NAA30: variants seen among roughly 807,000 people sequenced by gnomAD.
The protein encoded by NAA30 is N-alpha-acetyltransferase 30, NatC catalytic subunit.
In NAA30, 5 loss-of-function variants were observed where a neutral mutation model predicts 31.4. The observed-to-expected ratio is 0.16, with a 90% CI of 0.08 to 0.33. The LOEUF (loss-of-function observed/expected upper bound fraction) is 0.33, where lower values mean the gene tolerates loss of function less well. Ranked by LOEUF, NAA30 falls within the 10% of genes least tolerant of loss-of-function variation. The probability of loss-of-function intolerance (pLI) is 1.00; values close to 1 mark genes in which losing one functional copy is unlikely to be tolerated. For missense variants in NAA30, 428 were observed against 490.8 expected (o/e 0.87, Z 1.21); for synonymous variants, 222 against 207.1 (o/e 1.07, Z -0.62).
chr14:57,405,783 C>G (rs549895484), intron 4 of NAA30, among the ~76,000 whole-genome samples: 1 of 152,272 alleles, frequency 6.6e-6, no homozygotes, highest in African/African-American at 2.4e-5. Flanking sequence ...TGCTAAAGTT[C>G]TAGCAGTGAA....
At chr14:57,390,910 C>T (rs751598698) in intron 1 of NAA30, 47 bp from the exon 2 acceptor site, 4 of 1,451,478 alleles carry the variant, frequency 2.8e-6, no homozygotes, top group Non-Finnish European at 3.6e-6. Context: ...CTCCGCGCTC[C>T]TCGGCCGGGT....
chr14:57,392,408 G>A (rs1417578418), intron 2 of NAA30, among the ~76,000 whole-genome samples: 1 of 150,154 alleles, frequency 6.7e-6, no homozygotes. Context: ...TTACCGATCT[G>A]ATTTTTTTTT....
chr14:57,393,657 G>T (rs1474163341), intron 2 of NAA30, among the ~76,000 whole-genome samples: 3 of 151,782 alleles, frequency 2.0e-5, no homozygotes, highest in Non-Finnish European at 4.4e-5. Context: ...TTTGTTTTTT[G>T]ATTGAAAAAA....
rs1158541497 is a variant in NAA30, at chr14:57,411,040, C to G, written c.*1524C>G. 2 of 147,822 alleles carry G rather than the reference C, an allele frequency of 1.4e-5. No homozygotes were observed. The highest frequency in any genetic ancestry group is 3.0e-5 in the Non-Finnish European group (2 of 67,160). The allele number at this position is 147,822 out of a possible 1,614,324, so 9.2% of individuals were successfully genotyped here. A position where few individuals can be genotyped will look rare whatever the true frequency, so the allele number is the denominator to read the frequency against. On this transcript the variant is annotated 3_prime_UTR_variant, in exon 5 of 5. Coordinates refer to ENST00000556492, the MANE Select transcript of NAA30 (RefSeq NM_001011713.3). ...CTCCATTAACAGTTGGTAAAGGCCC[C>G]TTTTCAGGAAAGTTTGTTGCTTTTT...
At chr14:57,396,640 A>G in intron 2 of NAA30, 112 bp from the exon 3 acceptor site, 1 of 1,111,414 alleles carries the variant, frequency 9.0e-7, no homozygotes, top group East Asian at 2.4e-5. Flanking sequence ...AAGAGTTCCC[A>G]TTATCTTCCC....
chr14:57,401,474 T>G (rs575740497), intron 4 of NAA30, among the ~76,000 whole-genome samples: 1 of 152,332 alleles, frequency 6.6e-6, no homozygotes, highest in South Asian at 2.1e-4. Flanking sequence ...AACTGAAATT[T>G]CGAGGAGAGA....
intron 4 of NAA30, among the ~76,000 whole-genome samples, chr14:57,400,988 C>G (rs2066474147): frequency 6.6e-6 from 1 of 151,982 alleles, no homozygotes; most frequent in African/African-American, 2.4e-5. Context: ...CCTTCCACCT[C>G]AGCCTCTCAA....
chr14:57,404,174 T>C (rs1455872859), intron 4 of NAA30, among the ~76,000 whole-genome samples: 1 of 152,006 alleles, frequency 6.6e-6, no homozygotes, highest in Non-Finnish European at 1.5e-5. Context: ...ATACAAAAAT[T>C]AGCCAGGTGT....
chr14:57,399,984 T>C, intron 4 of NAA30, 101 bp downstream of exon 4: 1 of 601,770 alleles, frequency 1.7e-6, no homozygotes, highest in Non-Finnish European at 2.9e-6. Context: ...CATTGCAGTG[T>C]TACTATACAA....
Position 57,391,314 on chromosome 14 carries a change from C to A in NAA30, c.357C>A (p.Asp119Glu). Residue 119 changes from aspartate (D) to glutamate (E), a missense_variant, in exon 2 of 5, where the codon GAC (aspartate) becomes GAA (glutamate). Asp to Glu is a conservative substitution (Grantham distance 45). This residue lies in a region of NAA30 where 349 missense variants were observed against 310.4 expected (regional missense o/e 1.12). Coordinates refer to ENST00000556492, the MANE Select transcript of NAA30 (RefSeq NM_001011713.3). The surrounding 1 kb of genome is among the most constrained non-coding windows in gnomAD (Gnocchi z 4.1). ...AEVAATTATPDGGPRATATKG... is the reference protein window; with the variant it reads ...AEVAATTATPEGGPRATATKG... ...TGGCCGCGACCACAGCCACCCCTGA[C>A]GGAGGCCCCAGAGCGACTGCAACAA... 1 of 1,611,100 alleles carries A rather than the reference C, an allele frequency of 6.2e-7. No homozygotes were observed. The highest frequency in any genetic ancestry group is 8.5e-7 in the Non-Finnish European group (1 of 1,179,132).
intron 4 of NAA30, among the ~76,000 whole-genome samples, chr14:57,401,704 T>C (rs950472714): frequency 7.9e-5 from 12 of 152,356 alleles, no homozygotes; most frequent in East Asian, 1.9e-4. Context: ...TTCTGAGTTA[T>C]CCTACTTGCT....
In NAA30 at chr14:57,409,771, G is replaced by A. The variant is rs1158348261; in HGVS notation, c.*255G>A. ...GCCAGTTGATAGCCAAGATTTATGT[G>A]TTCATTTGCAAAGTCTGCTGACAAT... On this transcript the variant is annotated 3_prime_UTR_variant, in exon 5 of 5. Coordinates refer to ENST00000556492, the MANE Select transcript of NAA30 (RefSeq NM_001011713.3). 3.6e-5 allele frequency: 12 copies of A among 329,596 alleles called. No homozygotes were observed. The allele number at this position is 329,596 out of a possible 1,614,324, so 20.4% of individuals were successfully genotyped here. A position where few individuals can be genotyped will look rare whatever the true frequency, so the allele number is the denominator to read the frequency against.
intron 2 of NAA30, among the ~76,000 whole-genome samples, chr14:57,394,038 C>T (rs540391156): frequency 6.7e-6 from 1 of 150,302 alleles, no homozygotes; most frequent in Non-Finnish European, 1.5e-5. Flanking sequence ...TGGGGTTGAA[C>T]CTTACAAAAT....
chr14:57,404,251 G>A (rs1762641000), intron 4 of NAA30, among the ~76,000 whole-genome samples: 2 of 152,242 alleles, frequency 1.3e-5, no homozygotes, highest in South Asian at 2.1e-4. Flanking sequence ...GAACCCAGGA[G>A]GTGGAGGTTG....
chr14:57,396,657 A>C, intron 2 of NAA30, 95 bp from the exon 3 acceptor site: 1 of 1,381,280 alleles, frequency 7.2e-7, no homozygotes, highest in Non-Finnish European at 1.0e-6. Flanking sequence ...TCCCCCGTCG[A>C]AAATGCTTAC....
chr14:57,396,585 G>C (rs1052843135), intron 2 of NAA30, among the ~76,000 whole-genome samples, 167 bp from the exon 3 acceptor site: 3 of 152,170 alleles, frequency 2.0e-5, no homozygotes, highest in African/African-American at 7.2e-5. Flanking sequence ...ATTTAAAGGA[G>C]TTAGGGGATT....
chr14:57,401,678 C>T (rs2066477949), intron 4 of NAA30, among the ~76,000 whole-genome samples: 1 of 152,162 alleles, frequency 6.6e-6, no homozygotes, highest in South Asian at 2.1e-4. Context: ...TATTATGTTC[C>T]CTATGATTAA....
chr14:57,391,759 C>G lies in NAA30; in HGVS notation c.771+31C>G, dbSNP rs2066429231. 1 of 1,554,622 alleles carries G rather than the reference C, an allele frequency of 6.4e-7. No individual in the cohort carries two copies. Among genetic ancestry groups the G allele is most frequent in the Non-Finnish European group, 8.7e-7 (1 of 1,144,944 alleles). On this transcript the variant is annotated intron_variant, in intron 2 of 4. Transcript: ENST00000556492. The surrounding 1 kb of genome is among the most constrained non-coding windows in gnomAD (Gnocchi z 4.1). ...TGGATAGAATAAAAAGAGGGTGAACCCAGCAGTGATCGAGACTGTGCGGGG... is the reference window on the plus strand; with the variant it reads ...TGGATAGAATAAAAAGAGGGTGAACGCAGCAGTGATCGAGACTGTGCGGGG...
At position 57,391,722 on chromosome 14, in the gene NAA30, C is replaced by G. The variant is rs1178313567; in HGVS notation, c.765C>G (p.Cys255Trp). Residue 255 changes from cysteine to tryptophan, a missense_variant, in exon 2 of 5, where the codon TGC (cysteine) becomes TGG (tryptophan). Physicochemically the swap from Cys to Trp is radical, Grantham distance 215. Around this residue, in one of 2 missense-constraint regions of NAA30, gnomAD observed 79 missense variants for 180.3 expected, o/e 0.44. Transcript: ENST00000556492. The surrounding 1 kb of genome is among the most constrained non-coding windows in gnomAD (Gnocchi z 4.1). ...TTATCCACAACTGGCCACAGCTGTGCTTCTTGGTAAGTGGATAGAATAAAA... is the reference window on the plus strand; with the variant it reads ...TTATCCACAACTGGCCACAGCTGTGGTTCTTGGTAAGTGGATAGAATAAAA... Reference protein sequence around the residue: ...RYFIHNWPQLCFLAMVGEECV... With the variant: ...RYFIHNWPQLWFLAMVGEECV... 1 of 1,601,768 alleles carries G rather than the reference C, an allele frequency of 6.2e-7. No homozygotes were observed.
Sources: allele counts gnomAD v4.1 joint callset (sites outside exome capture counted in the v4.1 genomes callset), GRCh38; gene constraint gnomAD v4.1.1; regional missense constraint gnomAD v4.1.1; non-coding constraint Gnocchi (gnomAD v3.1); transcripts MANE v1.5; gene names NCBI Gene and HGNC (gene_info 2026-07-23, HGNC 2026-07-21).